The following KHDRBS2 variants were observed in gnomAD, a reference collection of about 807,000 sequenced individuals.
The protein encoded by KHDRBS2 is KH RNA binding domain containing, signal transduction associated 2.
In KHDRBS2, 26 loss-of-function variants were observed where a neutral mutation model predicts 44.3. The observed-to-expected ratio is 0.59, with a 90% confidence interval of 0.43 to 0.81. The LOEUF (loss-of-function observed/expected upper bound fraction) is 0.81, where lower values mean the gene tolerates loss of function less well. KHDRBS2 is among the 40% of genes least tolerant of loss of function. KHDRBS2 has a pLI of 0.00. For missense variants in KHDRBS2, 476 were observed against 433.1 expected (o/e 1.10, Z -0.88); for synonymous variants, 194 against 151.1 (o/e 1.28, Z -2.08).
chr6:62,102,616 C>A (rs1290889644), intron 2 of KHDRBS2, among the ~76,000 whole-genome samples: 1 of 152,294 alleles, frequency 6.6e-6, no homozygotes, highest in East Asian at 1.9e-4. Context: ...CTGACTCTGG[C>A]CCACGGCTCC....
At chr6:61,793,968 C>A (rs1784976657) in intron 6 of KHDRBS2, among the ~76,000 whole-genome samples, 1 of 152,076 alleles carries the variant, frequency 6.6e-6, no homozygotes, top group Non-Finnish European at 1.5e-5. Context: ...TACATGATGA[C>A]AATTTCGGTA....
At chr6:62,120,741 G>C (rs1807429219) in intron 2 of KHDRBS2, among the ~76,000 whole-genome samples, 1 of 152,126 alleles carries the variant, frequency 6.6e-6, no homozygotes, top group South Asian at 2.1e-4. Context: ...TATAAAAATA[G>C]AGAATCATGG....
chr6:61,748,224 C>T (rs1283930115), intron 6 of KHDRBS2, among the ~76,000 whole-genome samples: 1 of 152,186 alleles, frequency 6.6e-6, no homozygotes. Context: ...CTCCTGACCT[C>T]ATGATCCGCC....
At chr6:62,032,155 T>C (rs1784444061) in intron 3 of KHDRBS2, among the ~76,000 whole-genome samples, 2 of 152,082 alleles carry the variant, frequency 1.3e-5, no homozygotes, top group African/African-American at 4.8e-5. Context: ...ATACTGAGTG[T>C]CAACTTGATT....
rs574579758 is a variant in KHDRBS2, at chr6:61,975,501, A to G, written c.483+2565T>C. On this transcript the variant is annotated intron_variant, in intron 4 of 8. Transcript: ENST00000281156. ...CATTTTTGCCCCTTGCGGTTCTCCC[A>G]TTCTTTGCTTTCTGCTGATGCAAGC... is the stretch of plus-strand genomic sequence containing the variant. Among the ~76,000 whole-genome samples, 123 of 152,278 alleles carry G rather than the reference A, an allele frequency of 8.1e-4. 1 individual carries two copies. The highest frequency in any genetic ancestry group is 2.9e-3 in the African/African-American group (121 of 41,562).
intron 6 of KHDRBS2, among the ~76,000 whole-genome samples, chr6:61,892,654 G>C (rs553390578): frequency 1.2e-4 from 18 of 152,224 alleles, no homozygotes; most frequent in Non-Finnish European, 2.5e-4. Flanking sequence ...AATGGGGAAA[G>C]GATTCCCTAT....
At chr6:62,227,800 G>C (rs1430728493) in intron 1 of KHDRBS2, among the ~76,000 whole-genome samples, 1 of 152,124 alleles carries the variant, frequency 6.6e-6, no homozygotes, top group African/African-American at 2.4e-5. Flanking sequence ...TTTTGTCATT[G>C]GTTCTGTTTA....
chr6:61,566,451 C>T, the KHDRBS2 span, among the ~76,000 whole-genome samples: 1 of 152,258 alleles, frequency 6.6e-6, no homozygotes, highest in South Asian at 2.1e-4. Flanking sequence ...ATCCCAATTA[C>T]CCTGATTTGA....
chr6:61,613,851 A>G, the KHDRBS2 span, among the ~76,000 whole-genome samples: 1 of 152,116 alleles, frequency 6.6e-6, no homozygotes, highest in Non-Finnish European at 1.5e-5. Context: ...TAAACAACCA[A>G]CAGCAACATT....
chr6:61,582,583 A>G, the KHDRBS2 span, among the ~76,000 whole-genome samples: 2 of 151,748 alleles, frequency 1.3e-5, no homozygotes, highest in Admixed American at 1.3e-4. Flanking sequence ...ATGTTCCAGA[A>G]CTTAAAAAAG....
intron 2 of KHDRBS2, among the ~76,000 whole-genome samples, chr6:62,070,514 G>A (rs1313039339): frequency 1.3e-5 from 2 of 149,984 alleles, no homozygotes; most frequent in East Asian, 2.0e-4. Context: ...AACAGGCCCC[G>A]GTGTGTGATG....
chr6:61,931,815 C>T (rs1810106036), intron 4 of KHDRBS2, among the ~76,000 whole-genome samples: 1 of 152,078 alleles, frequency 6.6e-6, no homozygotes, highest in Non-Finnish European at 1.5e-5. Context: ...ACCTCCTCCA[C>T]CTCTTCTGCC....
chr6:61,785,315 C>T (rs1260530509), intron 6 of KHDRBS2, among the ~76,000 whole-genome samples: 1 of 151,900 alleles, frequency 6.6e-6, no homozygotes, highest in East Asian at 1.9e-4. Flanking sequence ...ACAAAAATGG[C>T]CAATAACCAT....
intron 6 of KHDRBS2, among the ~76,000 whole-genome samples, chr6:61,889,504 A>G (rs1801483204): frequency 6.7e-6 from 1 of 149,176 alleles, no homozygotes; most frequent in South Asian, 2.1e-4. Context: ...TCTTTCACAC[A>G]TCCACGTATT....
rs202136759 is a variant in KHDRBS2, at chr6:62,165,240, C to CATTTATTT, written c.219+11937_219+11944dup. On this transcript the variant is annotated intron_variant, in intron 2 of 8. Coordinates refer to ENST00000281156, the MANE Select transcript of KHDRBS2 (RefSeq NM_152688.4). ...AAATTGCCCATAACTCATTCTAGTA[C>CATTTATTT]ATTTATTTATTTATTTATTTATTTA... 2.5e-3 allele frequency among the ~76,000 whole-genome samples: 376 copies of CATTTATTT among 149,648 alleles called. 1 individual carries two copies. The highest frequency in any genetic ancestry group is 0.018 in the Middle Eastern group (5 of 278).
chr6:61,553,929 C>A, the KHDRBS2 span, among the ~76,000 whole-genome samples: 2 of 152,024 alleles, frequency 1.3e-5, no homozygotes, highest in Non-Finnish European at 2.9e-5. Flanking sequence ...ATTGTCTGGT[C>A]ACTTTTAGAG....
intron 6 of KHDRBS2, among the ~76,000 whole-genome samples, chr6:61,788,878 T>A (rs931720096): frequency 6.6e-6 from 1 of 151,270 alleles, no homozygotes; most frequent in Admixed American, 6.6e-5. Context: ...CAATAAATTT[T>A]AAAAATATAT....
chr6:61,729,946 T>A (rs1457062867), intron 7 of KHDRBS2, among the ~76,000 whole-genome samples: 9 of 152,274 alleles, frequency 5.9e-5, no homozygotes, highest in African/African-American at 1.9e-4. Context: ...AAATTTAATT[T>A]TGATAAAATA....
intron 6 of KHDRBS2, among the ~76,000 whole-genome samples, chr6:61,776,338 A>G (rs552658649): frequency 6.6e-6 from 1 of 152,302 alleles, no homozygotes; most frequent in South Asian, 2.1e-4. Flanking sequence ...AGAAACTACC[A>G]TCAGAGTGAA....
Sources: gnomAD v4.1 joint callset for allele counts (sites outside exome capture counted in the v4.1 genomes callset) on GRCh38, gnomAD v4.1.1 for gene constraint, MANE v1.5 for transcripts, NCBI Gene and HGNC (gene_info 2026-07-23, HGNC 2026-07-21) for gene names.